The following KLHDC8B variants were observed in gnomAD, a reference collection of about 807,000 sequenced individuals.
KLHDC8B encodes kelch domain-containing protein 8B.
In KLHDC8B, 19 loss-of-function variants were observed where a neutral mutation model predicts 26.3. The ratio of observed to expected loss-of-function variants is 0.72; its 90% CI spans 0.50 to 1.06. The LOEUF (loss-of-function observed/expected upper bound fraction) is 1.06. KLHDC8B is among the 50% of genes least tolerant of loss of function. The pLI is 0.00. For synonymous variants in KLHDC8B, 150 were observed against 188.4 expected (o/e 0.80, Z 1.67); for missense variants, 411 against 488.1 (o/e 0.84, Z 1.49).
At chr3:49,172,504 G>T in intron 1 of KLHDC8B, 132 bp from the exon 2 acceptor site, 1 of 523,652 alleles carries the variant, frequency 1.9e-6, no homozygotes, top group Non-Finnish European at 3.4e-6. Flanking sequence ...GTGCTAGCCA[G>T]AGGGGTTGGG....
At position 49,174,256 on chromosome 3, in the gene KLHDC8B, C is replaced by T. The variant is rs2045797658; in HGVS notation, c.394C>T (p.Leu132=). Residue 132 remains leucine, a synonymous_variant, in exon 3 of 6, where the codon CTG becomes TTG. Transcript: ENST00000332780. The stretch of plus-strand genomic sequence containing the variant: ...CTATGCAGATGGTATGGTGTATGCT[C>T]TGGGGGGAATGGGCCCTGACACGGC... The part of the protein sequence containing the change: ...TVERDGMVYA[L]GGMGPDTAPQ... The T allele has an allele frequency of 1.2e-6, 2 of 1,613,126 alleles. No homozygotes were observed. Among genetic ancestry groups the T allele is most frequent in the African/African-American group, 1.3e-5 (1 of 74,888 alleles).
rs375640730 is a variant in KLHDC8B at position 49,174,420 on chromosome 3, T to C, written c.541+17T>C. 6.7e-5 allele frequency: 108 copies of C among 1,601,834 alleles called. No homozygotes were observed. Among genetic ancestry groups the C allele is most frequent in the Non-Finnish European group, 8.9e-5 (104 of 1,171,302 alleles). On this transcript the variant is annotated intron_variant, in intron 3 of 5. Coordinates refer to ENST00000332780, the MANE Select transcript of KLHDC8B (RefSeq NM_173546.3). ...ATGTCCTGGGTAAGGGCCTGGGGAA[T>C]GTGGGAAGGGGGCTCAGAGTCTAGA... is the stretch of plus-strand genomic sequence containing the variant.
intron 1 of KLHDC8B, among the ~76,000 whole-genome samples, chr3:49,172,021 T>C (rs529841443): frequency 1.3e-5 from 2 of 152,260 alleles, no homozygotes; most frequent in African/African-American, 4.8e-5. Flanking sequence ...TGGGGGGGTT[T>C]GGAATGGGCA....
chr3:49,175,965 T>G lies in KLHDC8B; in HGVS notation c.*164T>G. 1 of 639,736 alleles carries G rather than the reference T, an allele frequency of 1.6e-6. No homozygotes were observed. The highest frequency in any genetic ancestry group is 2.7e-6 in the Non-Finnish European group (1 of 365,264). The allele number at this position is 639,736 out of a possible 1,614,324, so 39.6% of individuals were successfully genotyped here. On this transcript the variant is annotated 3_prime_UTR_variant, in exon 6 of 6. Transcript: ENST00000332780. Reference sequence around the variant, plus strand: ...TGGGGCCTTGGGTTAGGGGAGCCTTTGTCTTTAGTGCAGGACACACATATG... The same window carrying G: ...TGGGGCCTTGGGTTAGGGGAGCCTTGGTCTTTAGTGCAGGACACACATATG...
chr3:49,172,257 T>C (rs2045774449), intron 1 of KLHDC8B, among the ~76,000 whole-genome samples: 1 of 152,034 alleles, frequency 6.6e-6, no homozygotes, highest in African/African-American at 2.4e-5. Flanking sequence ...CAGTAAGGAC[T>C]CCCCTCATGC....
intron 1 of KLHDC8B, among the ~76,000 whole-genome samples, chr3:49,172,256 C>G (rs1041991855): frequency 6.6e-6 from 1 of 152,156 alleles, no homozygotes; most frequent in African/African-American, 2.4e-5. Context: ...CCAGTAAGGA[C>G]TCCCCTCATG....
intron 3 of KLHDC8B, 45 bp downstream of exon 3, chr3:49,174,448 T>TCCTCATCCTCATAGGTTGG (rs1216641071): frequency 6.4e-7 from 1 of 1,572,016 alleles, no homozygotes; most frequent in Non-Finnish European, 8.7e-7. Context: ...AGTCTAGAAA[T>TCCTCATCCTCATAGGTTGG]CCTCATCCTC....
At chr3:49,175,276 G>C in intron 5 of KLHDC8B, 113 bp downstream of exon 5, 1 of 817,042 alleles carries the variant, frequency 1.2e-6, no homozygotes. Flanking sequence ...TCAGGGCTTT[G>C]TGAGCTCTTT....
Position 49,175,994 on chromosome 3 carries a change from AC to A in KLHDC8B, c.*194del. 1.7e-6 allele frequency: 1 copy of A among 588,814 alleles called. No individual in the cohort carries two copies. Among genetic ancestry groups the A allele is most frequent in the East Asian group, 2.9e-5 (1 of 34,910 alleles). 36.5% of individuals were successfully genotyped at this position (588,814 alleles called of 1,614,324 possible). ...TTTAGTGCAGGACACACATATGCTT[AC>A]ACCTACCTTTATCACCATTCGTTCA... On this transcript the variant is annotated 3_prime_UTR_variant, in exon 6 of 6. Coordinates refer to ENST00000332780, the MANE Select transcript of KLHDC8B (RefSeq NM_173546.3).
rs1369982581 is a variant in KLHDC8B at position 49,172,913 on chromosome 3, T to G, written c.144T>G (p.Thr48=). 6.2e-7 allele frequency: 1 copy of G among 1,613,982 alleles called. No homozygotes were observed. Among genetic ancestry groups the G allele is most frequent in the African/African-American group, 1.3e-5 (1 of 74,930 alleles). The stretch of plus-strand genomic sequence containing the variant: ...GCCGGGCTGGACTGCCCCTGGACAC[T>G]GCTGAGACACTGGACATGGCCTCGC... ...GCGRAGLPLD[T]AETLDMASHT... is the part of the protein sequence containing the mutation. Residue 48 remains threonine, a synonymous_variant, in exon 2 of 6, where the codon ACT becomes ACG. Coordinates refer to ENST00000332780, the MANE Select transcript of KLHDC8B (RefSeq NM_173546.3).
intron 1 of KLHDC8B, among the ~76,000 whole-genome samples, 199 bp downstream of exon 1, chr3:49,171,884 CAGA>C (rs2045770497): frequency 6.6e-6 from 1 of 152,206 alleles, no homozygotes; most frequent in Admixed American, 6.5e-5. Context: ...CGAGGGAACC[CAGA>C]AGTCCAGCTG....
At chr3:49,173,605 C>T (rs1443020372) in intron 2 of KLHDC8B, among the ~76,000 whole-genome samples, 1 of 152,186 alleles carries the variant, frequency 6.6e-6, no homozygotes, top group Non-Finnish European at 1.5e-5. Flanking sequence ...TGGAAGCCCC[C>T]AGCTGACTGG....
chr3:49,172,106 C>T (rs967177250), intron 1 of KLHDC8B, among the ~76,000 whole-genome samples: 1 of 152,114 alleles, frequency 6.6e-6, no homozygotes, highest in Non-Finnish European at 1.5e-5. Context: ...TGAAACACAC[C>T]CTGACTCTGG....
chr3:49,174,497 T>C (rs1422393934), intron 3 of KLHDC8B, 94 bp downstream of exon 3: 2 of 1,378,778 alleles, frequency 1.5e-6, no homozygotes, highest in East Asian at 4.7e-5. Context: ...CAGTCCAGGA[T>C]GGCAAAACAA....
intron 5 of KLHDC8B, 61 bp downstream of exon 5, chr3:49,175,224 G>A (rs1162064916): frequency 7.3e-7 from 1 of 1,373,848 alleles, no homozygotes. Context: ...CTAGCCCCCA[G>A]CATGTGTGTC....
Position 49,174,751 on chromosome 3 carries a change from A to G in KLHDC8B, c.551A>G (p.Gln184Arg). ...GNKIYVLGGR[Q>R]GKLPVTAFEA... ...CCAATTCCATTGACAGGGGGCCGCC[A>G]GGGCAAGCTCCCGGTGACTGCTTTT... The change falls in exon 4 of 6, where the codon CAG (glutamine) becomes CGG (arginine). Residue 184 changes from glutamine to arginine, a missense_variant. Coordinates refer to ENST00000332780, the MANE Select transcript of KLHDC8B (RefSeq NM_173546.3). 1 of 1,604,054 alleles carries G rather than the reference A, an allele frequency of 6.2e-7. No homozygotes were observed. The highest frequency in any genetic ancestry group is 8.5e-7 in the Non-Finnish European group (1 of 1,172,876).
chr3:49,172,905 C>T lies in KLHDC8B; in HGVS notation c.136C>T (p.Leu46=). ...GGGTTGTGGCCGGGCTGGACTGCCCCTGGACACTGCTGAGACACTGGACAT... is the reference window on the plus strand; with the variant it reads ...GGGTTGTGGCCGGGCTGGACTGCCCTTGGACACTGCTGAGACACTGGACAT... ...LGGCGRAGLP[L]DTAETLDMAS... is the part of the protein sequence containing the mutation. The change falls in exon 2 of 6, where the codon CTG becomes TTG. Residue 46 remains leucine, a synonymous_variant. Coordinates refer to ENST00000332780, the MANE Select transcript of KLHDC8B (RefSeq NM_173546.3). The T allele has an allele frequency of 6.2e-7, 1 of 1,614,116 alleles. No individual in the cohort carries two copies. The highest frequency in any genetic ancestry group is 8.5e-7 in the Non-Finnish European group (1 of 1,180,014).
rs370010051 is a variant in KLHDC8B at position 49,172,866 on chromosome 3, C to T, written c.97C>T (p.Leu33=). 2 of 1,614,116 alleles carry T rather than the reference C, an allele frequency of 1.2e-6. No homozygotes were observed. The highest frequency in any genetic ancestry group is 1.7e-6 in the Non-Finnish European group (2 of 1,180,016). ...CACAGTGGCACACCAAGATGGGCAC[C>T]TGCTGGTGTTGGGGGGTTGTGGCCG... ...YGTVAHQDGH[L]LVLGGCGRAG... The change falls in exon 2 of 6, where the codon CTG becomes TTG. Residue 33 remains leucine (L), a synonymous_variant. Transcript: ENST00000332780.
intron 2 of KLHDC8B, 95 bp downstream of exon 2, chr3:49,173,240 G>A (rs916413921): frequency 1.1e-5 from 15 of 1,309,106 alleles, no homozygotes; most frequent in Non-Finnish European, 1.5e-5. Flanking sequence ...AACAAGAGCT[G>A]TAATTTTTAC....
Sources: gnomAD v4.1 joint callset for allele counts (sites outside exome capture counted in the v4.1 genomes callset) on GRCh38, gnomAD v4.1.1 for gene constraint, MANE v1.5 for transcripts, NCBI Gene and HGNC (gene_info 2026-07-23, HGNC 2026-07-21) for gene names.